The following DLG4 variants were observed in gnomAD, a reference collection of about 807,000 sequenced individuals.
DLG4 encodes the protein disks large homolog 4.
In DLG4, 7 loss-of-function variants were observed where a neutral mutation model predicts 93.8. The ratio of observed to expected loss-of-function variants is 0.07; its 90% CI spans 0.04 to 0.14. The LOEUF is 0.14. Ranked by LOEUF, DLG4 falls within the 10% of genes least tolerant of loss-of-function variation. DLG4 has a pLI of 1.00. For synonymous variants in DLG4, 341 were observed against 387.6 expected (o/e 0.88, Z 1.41); for missense variants, 545 against 992.9 (o/e 0.55, Z 6.06).
rs566442642 is a variant in DLG4 at position 7,196,667 on chromosome 17, G to A, written c.1083+90C>T. ...AGGGAGTGGTCCCGCAAGAGGACTCGGCTGCAGCCCATCCAGGCCCCTCCC... is the reference window on the plus strand; with the variant it reads ...AGGGAGTGGTCCCGCAAGAGGACTCAGCTGCAGCCCATCCAGGCCCCTCCC... On this transcript the variant is annotated intron_variant, in intron 9 of 19. Coordinates refer to ENST00000399506, the MANE Select transcript of DLG4 (RefSeq NM_001321075.3). The surrounding 1 kb of genome is among the most constrained non-coding windows in gnomAD (Gnocchi z 8.3). The A allele has an allele frequency of 4.4e-6, 7 of 1,584,206 alleles. No individual in the cohort carries two copies. Among genetic ancestry groups the A allele is most frequent in the East Asian group, 2.3e-5 (1 of 43,668 alleles).
In DLG4 at chr17:7,187,449, G is replaced by C. The variant is rs2069326719; in HGVS notation, c.*3259C>G. ...TAATCCCAGCTACTCGGGAGGCTGAGGCAGGAGAATAGCTTGAATCCGGAA... is the reference window on the plus strand; with the variant it reads ...TAATCCCAGCTACTCGGGAGGCTGACGCAGGAGAATAGCTTGAATCCGGAA... On this transcript the variant is annotated 3_prime_UTR_variant, in exon 20 of 20. Coordinates refer to ENST00000399506, the MANE Select transcript of DLG4 (RefSeq NM_001321075.3). Among the ~76,000 whole-genome samples, 1 of 151,826 alleles carries C rather than the reference G, an allele frequency of 6.6e-6. No individual in the cohort carries two copies. Among genetic ancestry groups the C allele is most frequent in the South Asian group, 2.1e-4 (1 of 4,814 alleles).
At chr17:7,192,483 G>A (rs773545755) in intron 17 of DLG4, 54 of 175,558 alleles carry the variant, frequency 3.1e-4, no homozygotes, top group South Asian at 2.9e-4. Context: ...GAAAGGAACC[G>A]TGGAGGGAGG....
intron 1 of DLG4, among the ~76,000 whole-genome samples, chr17:7,212,400 C>T (rs1224041606): frequency 1.3e-5 from 2 of 152,202 alleles, no homozygotes; most frequent in Non-Finnish European, 2.9e-5. Context: ...TCACATCTAT[C>T]TCCCAATCCA....
At position 7,203,821 on chromosome 17, in the gene DLG4, G is replaced by T; in HGVS notation, c.211-5C>A. The T allele has an allele frequency of 6.2e-7, 1 of 1,613,692 alleles. No homozygotes were observed. Among genetic ancestry groups the T allele is most frequent in the Non-Finnish European group, 8.5e-7 (1 of 1,179,796 alleles). On this transcript the variant is annotated splice_region_variant and splice_polypyrimidine_tract_variant and intron_variant, in intron 4 of 19. Transcript: ENST00000399506. This position sits in a 1 kb window ranked among gnomAD's most constrained non-coding sequence, Gnocchi z 7.2. ...GAAGCCCAGACCTGAGTTACCCTGGGTGAAGGAGGGGAAGAGGGTCAGCTC... is the reference window on the plus strand; with the variant it reads ...GAAGCCCAGACCTGAGTTACCCTGGTTGAAGGAGGGGAAGAGGGTCAGCTC...
intron 19 of DLG4, 120 bp from the exon 20 acceptor site, chr17:7,190,934 T>C: frequency 1.4e-6 from 1 of 731,972 alleles, no homozygotes; most frequent in Non-Finnish European, 2.3e-6. Flanking sequence ...CCATAAGTCC[T>C]GGGGCTGCAC....
chr17:7,190,848 G>A (rs944132410), intron 19 of DLG4, 34 bp from the exon 20 acceptor site: 2 of 1,587,732 alleles, frequency 1.3e-6, no homozygotes, highest in African/African-American at 1.3e-5. Flanking sequence ...GTGAGGCCAA[G>A]GAAGGGCCAG....
At position 7,203,123 on chromosome 17, in the gene DLG4, C is replaced by T. The variant is rs981949791; in HGVS notation, c.642+70G>A. On this transcript the variant is annotated intron_variant, in intron 7 of 19. Transcript: ENST00000399506. The surrounding 1 kb of genome is among the most constrained non-coding windows in gnomAD (Gnocchi z 7.2). ...AGAAGCACTGGGGTGAAGTGATGAA[C>T]TTGGGCCTGCCAGGGCTAGTAGGTG... 6.4e-7 allele frequency: 1 copy of T among 1,570,654 alleles called. No homozygotes were observed. Among genetic ancestry groups the T allele is most frequent in the Non-Finnish European group, 8.7e-7 (1 of 1,150,658 alleles).
In DLG4 at chr17:7,194,119, T is replaced by C; in HGVS notation, c.1479-119A>G. 3.6e-6 allele frequency: 5 copies of C among 1,403,276 alleles called. No individual in the cohort carries two copies. Among genetic ancestry groups the C allele is most frequent in the Non-Finnish European group, 4.9e-6 (5 of 1,028,110 alleles). The allele number at this position is 1,403,276 out of a possible 1,614,324, so 86.9% of individuals were successfully genotyped here. ...CTGGGCCAGCTGACACCCCTTCTCC[T>C]GCAGCCCTGGACACTGTGCTCCTCA... is the stretch of plus-strand genomic sequence containing the variant. On this transcript the variant is annotated intron_variant, in intron 12 of 19. Transcript: ENST00000399506. This position sits in a 1 kb window ranked among gnomAD's most constrained non-coding sequence, Gnocchi z 4.4.
upstream of DLG4, chr17:7,218,592 C>T (rs1014318240): frequency 3.8e-6 from 6 of 1,566,130 alleles, no homozygotes; most frequent in South Asian, 1.2e-5. Flanking sequence ...AGTGGGGGTG[C>T]CCACCGCAGC....
chr17:7,217,245 C>T lies in DLG4; in HGVS notation c.-98G>A. ...GTTCTCACCCCTCCCCCCTCCGCACCCCACTTTTGCAGGGGGGGCCAGGAT... is the reference window on the plus strand; with the variant it reads ...GTTCTCACCCCTCCCCCCTCCGCACTCCACTTTTGCAGGGGGGGCCAGGAT... On this transcript the variant is annotated 5_prime_UTR_variant, in exon 1 of 20. Transcript: ENST00000399506. The T allele has an allele frequency of 8.0e-7, 1 of 1,256,834 alleles. No homozygotes were observed. The highest frequency in any genetic ancestry group is 1.0e-6 in the Non-Finnish European group (1 of 993,722). The allele number at this position is 1,256,834 out of a possible 1,614,324, so 77.9% of individuals were successfully genotyped here.
intron 8 of DLG4, among the ~76,000 whole-genome samples, chr17:7,200,880 G>C (rs2070093702): frequency 1.2e-5 from 1 of 82,508 alleles, no homozygotes; most frequent in African/African-American, 4.7e-5. Context: ...TTTTTTTTGA[G>C]ATGGAGTCTC....
At chr17:7,212,806 G>T (rs553265987) in intron 1 of DLG4, among the ~76,000 whole-genome samples, 3 of 152,210 alleles carry the variant, frequency 2.0e-5, no homozygotes, top group East Asian at 1.9e-4. Flanking sequence ...AGGCCGAGGC[G>T]GTTGGATCAT....
At chr17:7,201,742 G>A (rs749891816) in intron 8 of DLG4, among the ~76,000 whole-genome samples, 78 of 152,218 alleles carry the variant, frequency 5.1e-4, no homozygotes, top group Middle Eastern at 6.8e-3. Context: ...TTAGCCAGGC[G>A]TGATGGTGGG....
rs2069378999 is a variant in DLG4, at chr17:7,189,331, A to T, written c.*1377T>A. Among the ~76,000 whole-genome samples, 1 of 151,582 alleles carries T rather than the reference A, an allele frequency of 6.6e-6. No individual in the cohort carries two copies. The highest frequency in any genetic ancestry group is 2.1e-4 in the South Asian group (1 of 4,784). ...ATGGTGAAACCCCATCTCTACTAAA[A>T]ATACAAAATTAGCCAGGCATGGTGG... On this transcript the variant is annotated 3_prime_UTR_variant, in exon 20 of 20. Coordinates refer to ENST00000399506, the MANE Select transcript of DLG4 (RefSeq NM_001321075.3).
chr17:7,207,551 G>A (rs1001676699), intron 2 of DLG4, among the ~76,000 whole-genome samples: 3 of 152,066 alleles, frequency 2.0e-5, no homozygotes, highest in African/African-American at 7.3e-5. Flanking sequence ...GGCGGGGAAG[G>A]GACAAGAGCA....
chr17:7,219,192 T>A, upstream of DLG4: 1 of 360,886 alleles, frequency 2.8e-6, no homozygotes, highest in Non-Finnish European at 5.0e-6. Context: ...GGGTAGAAAT[T>A]GTTTGGGACT....
upstream of DLG4, chr17:7,219,715 C>T (rs377448912): frequency 7.1e-7 from 1 of 1,411,176 alleles, no homozygotes. Flanking sequence ...CCTATCCCAT[C>T]ACCCCGTCGG....
In DLG4 at chr17:7,189,224, G is replaced by A. The variant is rs549104237; in HGVS notation, c.*1484C>T. Among the ~76,000 whole-genome samples, 28 of 152,044 alleles carry A rather than the reference G, an allele frequency of 1.8e-4. No individual in the cohort carries two copies. The highest frequency in any genetic ancestry group is 3.4e-3 in the Middle Eastern group (1 of 292). On this transcript the variant is annotated 3_prime_UTR_variant, in exon 20 of 20. Coordinates refer to ENST00000399506, the MANE Select transcript of DLG4 (RefSeq NM_001321075.3). Reference sequence around the variant, plus strand: ...GATCATTTCCAGGCCAGGCGCGGTGGCTCACGCCTGTAATCCCAGCACTTT... The same window carrying A: ...GATCATTTCCAGGCCAGGCGCGGTGACTCACGCCTGTAATCCCAGCACTTT...
At position 7,191,232 on chromosome 17, in the gene DLG4, C is replaced by T; in HGVS notation, c.2068+35G>A. ...CTCTTTCTAATCCGAGCAAGGGCAC[C>T]CTACATGCTGGCAACAGCCTTGCTG... On this transcript the variant is annotated intron_variant, in intron 19 of 19. Coordinates refer to ENST00000399506, the MANE Select transcript of DLG4 (RefSeq NM_001321075.3). The surrounding 1 kb of genome is among the most constrained non-coding windows in gnomAD (Gnocchi z 6.6). 6.2e-7 allele frequency: 1 copy of T among 1,605,440 alleles called. No homozygotes were observed. Among genetic ancestry groups the T allele is most frequent in the Non-Finnish European group, 8.5e-7 (1 of 1,172,502 alleles).
Sources: allele counts gnomAD v4.1 joint callset (sites outside exome capture counted in the v4.1 genomes callset), GRCh38; gene constraint gnomAD v4.1.1; non-coding constraint Gnocchi (gnomAD v3.1); transcripts MANE v1.5; gene names NCBI Gene and HGNC (gene_info 2026-07-23, HGNC 2026-07-21).